Variants in ARFGEF1 observed in about 807,000 individuals in gnomAD.
The protein encoded by ARFGEF1 is ARF guanine nucleotide exchange factor 1, also known as brefeldin A-inhibited guanine nucleotide-exchange protein 1.
In ARFGEF1, 42 loss-of-function variants were observed where a neutral mutation model predicts 231.0. The ratio of observed to expected loss-of-function variants is 0.18; its 90% CI spans 0.14 to 0.24. The LOEUF is 0.24. Among genes scored for constraint, ARFGEF1 ranks in the 10% least tolerant of loss-of-function variants. ARFGEF1 has a pLI of 1.00. For missense variants in ARFGEF1, 1,345 were observed against 2,192.0 expected (o/e 0.61, Z 7.72); for synonymous variants, 710 against 732.3 (o/e 0.97, Z 0.49).
Position 67,292,080 on chromosome 8 carries a change from T to A in ARFGEF1, c.683A>T (p.His228Leu). The change falls in exon 6 of 39, where the codon CAT (histidine) becomes CTT (leucine). Residue 228 changes from histidine to leucine, a missense_variant. Coordinates refer to ENST00000262215, the MANE Select transcript of ARFGEF1 (RefSeq NM_006421.5). Reference protein sequence around the residue: ...KQMEKERHRQHHHLLQSPVSH... With the variant: ...KQMEKERHRQLHHLLQSPVSH... ...TACTGGAGACTGTAACAGATGATGA[T>A]GCTGCCGATGCCTTTCTTTTTCCAT... is the stretch of plus-strand genomic sequence containing the variant. 1.9e-6 allele frequency: 3 copies of A among 1,613,930 alleles called. No homozygotes were observed. The highest frequency in any genetic ancestry group is 1.7e-6 in the Non-Finnish European group (2 of 1,179,842).
intron 7 of ARFGEF1, among the ~76,000 whole-genome samples, chr8:67,281,927 T>G (rs1224906984): frequency 6.6e-6 from 1 of 152,128 alleles, no homozygotes; most frequent in African/African-American, 2.4e-5. Flanking sequence ...AAGACTTGAC[T>G]AAATGAACTT....
intron 1 of ARFGEF1, among the ~76,000 whole-genome samples, chr8:67,309,890 T>C (rs1032602907): frequency 1.3e-5 from 2 of 152,208 alleles, no homozygotes; most frequent in Admixed American, 6.5e-5. Flanking sequence ...ATCCTTGTTA[T>C]TCTGGGATAT....
At chr8:67,333,129 G>A (rs1333329565) in intron 1 of ARFGEF1, among the ~76,000 whole-genome samples, 5 of 150,214 alleles carry the variant, frequency 3.3e-5, no homozygotes, top group African/African-American at 7.4e-5. Context: ...TCCACCTCCC[G>A]GGATCAAGCG....
chr8:67,311,173 G>T (rs1427454025), intron 1 of ARFGEF1, among the ~76,000 whole-genome samples: 84 of 143,118 alleles, frequency 5.9e-4, no homozygotes, highest in Admixed American at 2.3e-3. Flanking sequence ...GCCTCTGCCC[G>T]GCCGCCCCCA....
intron 34 of ARFGEF1, among the ~76,000 whole-genome samples, chr8:67,207,928 G>A (rs771626575): frequency 1.3e-5 from 2 of 152,184 alleles, no homozygotes; most frequent in Non-Finnish European, 2.9e-5. Flanking sequence ...CACAGTGGCA[G>A]GAAAGCAGAG....
chr8:67,177,841 G>GT (rs1229315502), intron 5 of ARFGEF1: 3 of 788,168 alleles, frequency 3.8e-6, no homozygotes, highest in Non-Finnish European at 4.5e-6. Context: ...AATTAAGAAC[G>GT]TAAGTCTTAT....
intron 34 of ARFGEF1, among the ~76,000 whole-genome samples, chr8:67,209,463 G>GA (rs1348716198): frequency 6.6e-6 from 1 of 152,170 alleles, no homozygotes; most frequent in Non-Finnish European, 1.5e-5. Flanking sequence ...TGGGGCTGGG[G>GA]GGCTCCCTTT....
intron 16 of ARFGEF1, 90 bp from the exon 17 acceptor site, chr8:67,257,906 T>C: frequency 2.4e-6 from 3 of 1,242,086 alleles, no homozygotes; most frequent in East Asian, 2.3e-5. Context: ...AGCACTTTTA[T>C]TTCTCTAAGT....
At chr8:67,332,156 C>T (rs1320926369) in intron 1 of ARFGEF1, among the ~76,000 whole-genome samples, 3 of 152,052 alleles carry the variant, frequency 2.0e-5, no homozygotes, top group Non-Finnish European at 4.4e-5. Flanking sequence ...AAAATCATGA[C>T]AATTACACAA....
At chr8:67,200,747 A>G (rs2129577197) in intron 37 of ARFGEF1, among the ~76,000 whole-genome samples, 1 of 152,306 alleles carries the variant, frequency 6.6e-6, no homozygotes, top group Non-Finnish European at 1.5e-5. Flanking sequence ...CATTTTCCTA[A>G]TTTTCTAAGT....
chr8:67,341,665 A>G (rs1808635077), intron 1 of ARFGEF1, among the ~76,000 whole-genome samples: 1 of 152,204 alleles, frequency 6.6e-6, no homozygotes, highest in Non-Finnish European at 1.5e-5. Context: ...CAAGTAATTT[A>G]CAAACCTACA....
chr8:67,339,639 T>G (rs1176379114), intron 1 of ARFGEF1, among the ~76,000 whole-genome samples: 1 of 151,396 alleles, frequency 6.6e-6, no homozygotes, highest in Non-Finnish European at 1.5e-5. Context: ...AAGTCAGGAT[T>G]CTCGAGAGCA....
At chr8:67,235,673 A>G (rs1304411845) in intron 22 of ARFGEF1, among the ~76,000 whole-genome samples, 2 of 152,074 alleles carry the variant, frequency 1.3e-5, no homozygotes, top group African/African-American at 4.8e-5. Flanking sequence ...AACATAGTGA[A>G]AGCCTGGGAC....
chr8:67,190,610 G>A, intron 5 of ARFGEF1: 1 of 1,443,294 alleles, frequency 6.9e-7, no homozygotes, highest in Non-Finnish European at 9.8e-7. Flanking sequence ...AAGATTTGAA[G>A]CAGTATTAAG....
chr8:67,222,163 GCATATATATATATATACA>G (rs1346081647), intron 29 of ARFGEF1, among the ~76,000 whole-genome samples: 1 of 116,554 alleles, frequency 8.6e-6, no homozygotes, highest in South Asian at 2.7e-4. Flanking sequence ...CCTTTTCCAT[GCATATATATATATATACA>G]CATATATATA....
intron 23 of ARFGEF1, among the ~76,000 whole-genome samples, chr8:67,231,554 A>C (rs1839554640): frequency 6.6e-6 from 1 of 152,126 alleles, no homozygotes; most frequent in South Asian, 2.1e-4. Context: ...AAGCAGAAAC[A>C]GTAGGTAAAA....
At chr8:67,189,908 T>C (rs1288049391) in intron 5 of ARFGEF1, among the ~76,000 whole-genome samples, 1 of 152,194 alleles carries the variant, frequency 6.6e-6, no homozygotes, top group East Asian at 1.9e-4. Flanking sequence ...CATGTCAAAT[T>C]AGCTACCGAT....
chr8:67,238,069 G>T (rs889086835), intron 22 of ARFGEF1, among the ~76,000 whole-genome samples: 2 of 152,100 alleles, frequency 1.3e-5, no homozygotes, highest in Non-Finnish European at 2.9e-5. Flanking sequence ...ACACATTCAA[G>T]TTACCTGCTT....
chr8:67,251,209 T>C (rs575808393), intron 19 of ARFGEF1, 90 bp downstream of exon 19: 1 of 1,226,414 alleles, frequency 8.2e-7, no homozygotes, highest in African/African-American at 1.5e-5. Flanking sequence ...ATGTGTTATA[T>C]CACTGTATCG....
Sources: gnomAD v4.1 joint callset for allele counts (sites outside exome capture counted in the v4.1 genomes callset) on GRCh38, gnomAD v4.1.1 for gene constraint, MANE v1.5 for transcripts, NCBI Gene and HGNC (gene_info 2026-07-23, HGNC 2026-07-21) for gene names.